Variants in DGAT2 observed in about 807,000 individuals in gnomAD.
DGAT2 encodes acyl-CoA retinol O-fatty-acyltransferase.
Under a neutral mutation model 48.4 loss-of-function variants are expected in DGAT2, and 33 were observed. That is an observed-to-expected ratio of 0.68 (90% CI 0.52 to 0.91). The LOEUF is 0.91. Ranked by LOEUF, DGAT2 falls within the 40% of genes least tolerant of loss-of-function variation. DGAT2 has a pLI of 0.00. For synonymous variants in DGAT2, 191 were observed against 194.1 expected (o/e 0.98, Z 0.13); for missense variants, 446 against 493.7 (o/e 0.90, Z 0.92).
At position 75,797,067 on chromosome 11, in the gene DGAT2, G is replaced by A. The variant is rs553638948; in HGVS notation, c.635-91G>A. ...GGGCTAGGTCTGGGGCCCAGGTCCA[G>A]GGTTCTTTATGTTTTATACCTGACT... On this transcript the variant is annotated intron_variant, in intron 5 of 7. Transcript: ENST00000228027. 107 of 1,319,818 alleles carry A rather than the reference G, an allele frequency of 8.1e-5. 1 individual carries two copies. The South Asian group carries it at 1.7e-3, about 22-fold the overall frequency. 81.8% of individuals were successfully genotyped at this position (1,319,818 alleles called of 1,614,324 possible).
At chr11:75,770,326 T>C (rs917100136) in intron 1 of DGAT2, among the ~76,000 whole-genome samples, 1 of 152,200 alleles carries the variant, frequency 6.6e-6, no homozygotes, top group Non-Finnish European at 1.5e-5. Flanking sequence ...TGATTATCGC[T>C]GTGGTTATCT....
intron 1 of DGAT2, among the ~76,000 whole-genome samples, chr11:75,780,394 G>A (rs946371895): frequency 1.3e-5 from 2 of 152,164 alleles, no homozygotes; most frequent in African/African-American, 4.8e-5. Flanking sequence ...TAAGCTCTAG[G>A]TCCCAAATAC....
At chr11:75,788,887 A>G (rs920514288) in intron 2 of DGAT2, among the ~76,000 whole-genome samples, 1 of 152,210 alleles carries the variant, frequency 6.6e-6, no homozygotes, top group Non-Finnish European at 1.5e-5. Context: ...GCAAGAGATG[A>G]TATGTAGATA....
intron 1 of DGAT2, among the ~76,000 whole-genome samples, chr11:75,781,436 A>G (rs1944862180): frequency 6.6e-6 from 1 of 152,252 alleles, no homozygotes; most frequent in Non-Finnish European, 1.5e-5. Flanking sequence ...GCCAGCTCCC[A>G]GGCCACGGCC....
Position 75,768,816 on chromosome 11 carries a change from T to A in DGAT2, c.-176T>A, listed in dbSNP as rs992300636. 1 of 778,872 alleles carries A rather than the reference T, an allele frequency of 1.3e-6. No individual in the cohort carries two copies. 48.2% of individuals were successfully genotyped at this position (778,872 alleles called of 1,614,324 possible). On this transcript the variant is annotated 5_prime_UTR_variant, in exon 1 of 8. Transcript: ENST00000228027. ...CCTCTGCTGGGGTCTAGGCTGTTTC[T>A]CTCGCGCCACCACTGGCCGCCGGCC...
intron 1 of DGAT2, among the ~76,000 whole-genome samples, chr11:75,779,384 A>G (rs1349838542): frequency 6.6e-6 from 1 of 152,162 alleles, no homozygotes; most frequent in Non-Finnish European, 1.5e-5. Flanking sequence ...GGGAGCCTGA[A>G]TACCTTCTTT....
At chr11:75,796,846 A>G in intron 5 of DGAT2, 1 of 471,492 alleles carries the variant, frequency 2.1e-6, no homozygotes, top group Non-Finnish European at 3.8e-6. Flanking sequence ...CACCTGCCTG[A>G]GACCTCCCAC....
At chr11:75,792,930 C>T (rs1945007085) in intron 4 of DGAT2, 3 of 152,274 alleles carry the variant, frequency 2.0e-5, no homozygotes, top group Non-Finnish European at 2.9e-5. Context: ...GGTCTTACTC[C>T]TGTGTTACTT....
intron 1 of DGAT2, among the ~76,000 whole-genome samples, chr11:75,772,904 C>T (rs553198669): frequency 2.0e-5 from 3 of 152,272 alleles, no homozygotes; most frequent in South Asian, 2.1e-4. Context: ...GCAGGATAGT[C>T]GCTTGAACCC....
intron 1 of DGAT2, 44 bp downstream of exon 1, chr11:75,769,156 T>G: frequency 6.6e-7 from 1 of 1,516,274 alleles, no homozygotes; most frequent in Non-Finnish European, 8.8e-7. Context: ...GAGAAGATTT[T>G]CTGGAAAGGG....
chr11:75,778,948 G>T (rs1944832552), intron 1 of DGAT2, among the ~76,000 whole-genome samples: 1 of 152,162 alleles, frequency 6.6e-6, no homozygotes, highest in Non-Finnish European at 1.5e-5. Flanking sequence ...CTTGCCCGAG[G>T]TCACAGAGCC....
chr11:75,794,863 C>A (rs1400643009), intron 4 of DGAT2: 1 of 151,868 alleles, frequency 6.6e-6, no homozygotes, highest in Non-Finnish European at 1.5e-5. Flanking sequence ...TTTAAATTTT[C>A]TTTTTGCTTT....
intron 2 of DGAT2, among the ~76,000 whole-genome samples, chr11:75,788,331 C>T (rs972868286): frequency 5.9e-5 from 9 of 152,168 alleles, no homozygotes; most frequent in African/African-American, 1.2e-4. Flanking sequence ...ACCAAGCTAC[C>T]GTAAGCTTTT....
At chr11:75,776,118 A>T (rs1944801164) in intron 1 of DGAT2, 1 of 152,190 alleles carries the variant, frequency 6.6e-6, no homozygotes, top group Non-Finnish European at 1.5e-5. Context: ...ACCACCCTCC[A>T]GCTGGAGAAG....
At chr11:75,780,288 G>A (rs975626935) in intron 1 of DGAT2, among the ~76,000 whole-genome samples, 1 of 152,236 alleles carries the variant, frequency 6.6e-6, no homozygotes, top group Admixed American at 6.5e-5. Context: ...AGTACTGACA[G>A]CCAGGTGGCA....
intron 1 of DGAT2, among the ~76,000 whole-genome samples, chr11:75,774,872 G>A (rs781427621): frequency 9.9e-5 from 15 of 152,168 alleles, no homozygotes; most frequent in Non-Finnish European, 2.2e-4. Context: ...TTTTGAATGT[G>A]CTTGGTCACA....
Position 75,796,305 on chromosome 11 carries a change from C to G in DGAT2, c.430-23C>G, listed in dbSNP as rs750785707. On this transcript the variant is annotated intron_variant, in intron 4 of 7. Coordinates refer to ENST00000228027, the MANE Select transcript of DGAT2 (RefSeq NM_032564.5). ...GTATCCCTCTCCCAGCCAGTTTCCT[C>G]TGACCCAAGGTCATCCTTGCAGCTG... The G allele has an allele frequency of 8.3e-5, 134 of 1,607,096 alleles. 1 individual carries two copies. In the Admixed American group the frequency reaches 2.2e-3, roughly 26 times the overall value.
chr11:75,770,406 G>A (rs1037680826), intron 1 of DGAT2, among the ~76,000 whole-genome samples: 2 of 152,146 alleles, frequency 1.3e-5, no homozygotes, highest in Non-Finnish European at 2.9e-5. Context: ...TCTCGGGGGC[G>A]AGCAGCTTGA....
At chr11:75,794,958 C>CCCCTCTCCTCCGTTCCTCTG (rs1200175578) in intron 4 of DGAT2, 10 of 110,414 alleles carry the variant, frequency 9.1e-5, no homozygotes, top group Admixed American at 1.2e-4. Flanking sequence ...CCGTTCCTCT[C>CCCCTCTCCTCCGTTCCTCTG]CCCTCTCCTC....
Sources: gnomAD v4.1 joint callset for allele counts (sites outside exome capture counted in the v4.1 genomes callset) on GRCh38, gnomAD v4.1.1 for gene constraint, MANE v1.5 for transcripts, NCBI Gene and HGNC (gene_info 2026-07-23, HGNC 2026-07-21) for gene names.